CIROZ: variants seen among roughly 807,000 people sequenced by gnomAD.
The protein encoded by CIROZ is ciliated left-right organizer protein containing ZP-N domains.
the CIROZ span, chr1:10,948,748 G>GA: frequency 6.5e-7 from 1 of 1,543,562 alleles, no homozygotes; most frequent in Non-Finnish European, 8.7e-7. Flanking sequence ...GGAGGCTGGG[G>GA]ACCTCGCTGA....
the CIROZ span, among the ~76,000 whole-genome samples, chr1:10,978,919 A>C: frequency 6.6e-6 from 1 of 152,146 alleles, no homozygotes; most frequent in African/African-American, 2.4e-5. Context: ...CCAGGGGTGC[A>C]GGCTGGGGTT....
At chr1:10,962,053 C>T in the CIROZ span, among the ~76,000 whole-genome samples, 61 of 152,330 alleles carry the variant, frequency 4.0e-4, no homozygotes, top group Middle Eastern at 3.4e-3. Flanking sequence ...CCTTTCTCTT[C>T]CTCCTTCCTT....
the CIROZ span, among the ~76,000 whole-genome samples, chr1:10,967,011 T>C: frequency 6.6e-6 from 1 of 151,866 alleles, no homozygotes. Context: ...TAGCCAGGCA[T>C]GGTGGTGCCC....
the CIROZ span, among the ~76,000 whole-genome samples, chr1:10,955,786 A>G: frequency 6.6e-6 from 1 of 150,546 alleles, no homozygotes; most frequent in African/African-American, 2.4e-5. Context: ...GGAGGTTGCA[A>G]TGAGCCGAGA....
the CIROZ span, chr1:10,969,940 G>T: frequency 6.6e-7 from 1 of 1,508,534 alleles, no homozygotes; most frequent in East Asian, 2.5e-5. Context: ...CCCCAGCAAA[G>T]ACCCCGCCCA....
the CIROZ span, chr1:10,949,771 G>A: frequency 6.3e-7 from 1 of 1,580,214 alleles, no homozygotes; most frequent in Non-Finnish European, 8.6e-7. Context: ...GGGAGGGAGT[G>A]GTCCTCAGTG....
At chr1:10,975,769 G>A in the CIROZ span, among the ~76,000 whole-genome samples, 1 of 151,988 alleles carries the variant, frequency 6.6e-6, no homozygotes, top group African/African-American at 2.4e-5. Flanking sequence ...ATTGCTATGG[G>A]ACCTTAGACA....
chr1:10,956,577 G>A, the CIROZ span, among the ~76,000 whole-genome samples: 11 of 151,272 alleles, frequency 7.3e-5, no homozygotes, highest in South Asian at 2.1e-4. Flanking sequence ...CCAGGTTCAC[G>A]CCATTCTCCT....
the CIROZ span, chr1:10,976,319 C>A: frequency 4.0e-5 from 38 of 939,256 alleles, no homozygotes; most frequent in Non-Finnish European, 5.6e-5. Flanking sequence ...CATCTACCTT[C>A]ATTCACTCAT....
chr1:10,972,487 G>T, the CIROZ span, among the ~76,000 whole-genome samples: 1 of 148,300 alleles, frequency 6.7e-6, no homozygotes, highest in Non-Finnish European at 1.5e-5. Flanking sequence ...TTCTACAACT[G>T]AAGAAATGGG....
chr1:10,957,479 G>C, the CIROZ span: 3 of 1,346,042 alleles, frequency 2.2e-6, no homozygotes, highest in Admixed American at 5.6e-5. Flanking sequence ...CCCAATTTTC[G>C]AAGGCGCCTG....
the CIROZ span, chr1:10,976,326 T>A: frequency 5.5e-6 from 5 of 905,300 alleles, no homozygotes; most frequent in Non-Finnish European, 6.7e-6. Context: ...CTTCATTCAC[T>A]CATTATATTT....
At chr1:10,980,569 A>C in the CIROZ span, among the ~76,000 whole-genome samples, 6 of 152,214 alleles carry the variant, frequency 3.9e-5, no homozygotes, top group Non-Finnish European at 8.8e-5. Context: ...CCAGAAGAAT[A>C]ATCTTGGGGA....
At chr1:10,970,151 AG>A in the CIROZ span, 1 of 1,383,826 alleles carries the variant, frequency 7.2e-7, no homozygotes, top group Non-Finnish European at 9.6e-7. Context: ...GAAGGAAGGA[AG>A]GAAGAAAGGA....
At chr1:10,964,185 C>T in the CIROZ span, 3 of 1,614,190 alleles carry the variant, frequency 1.9e-6, no homozygotes, top group Non-Finnish European at 1.7e-6. Flanking sequence ...ACCTTAGCAT[C>T]GGACACTTCA....
chr1:10,956,853 C>G, the CIROZ span, among the ~76,000 whole-genome samples: 1 of 152,146 alleles, frequency 6.6e-6, no homozygotes, highest in Non-Finnish European at 1.5e-5. Flanking sequence ...CCAGCAAAAG[C>G]AAACTTCTCT....
the CIROZ span, among the ~76,000 whole-genome samples, chr1:10,980,101 G>T: frequency 6.6e-6 from 1 of 152,228 alleles, no homozygotes; most frequent in Admixed American, 6.5e-5. Context: ...GAAAAGGCAG[G>T]AATGGGTGCT....
chr1:10,969,139 T>A, the CIROZ span, among the ~76,000 whole-genome samples: 1 of 151,984 alleles, frequency 6.6e-6, no homozygotes, highest in African/African-American at 2.4e-5. Flanking sequence ...ATGAGCAGGG[T>A]CCCTAGGAGG....
chr1:10,961,508 C>T, the CIROZ span, among the ~76,000 whole-genome samples: 1 of 152,170 alleles, frequency 6.6e-6, no homozygotes, highest in Non-Finnish European at 1.5e-5. Context: ...TGCAGGGGCC[C>T]TTCCCACCAC....
Sources: gnomAD v4.1 joint callset for allele counts (sites outside exome capture counted in the v4.1 genomes callset) on GRCh38, gnomAD v4.1.1 for gene constraint, MANE v1.5 for transcripts, NCBI Gene and HGNC (gene_info 2026-07-23, HGNC 2026-07-21) for gene names.